The following XKR4 variants were observed in gnomAD, a reference collection of about 807,000 sequenced individuals.
The protein encoded by XKR4 is XK related 4.
XKR4 carries 12 observed loss-of-function variants against 53.9 expected under a neutral mutation model. The ratio of observed to expected loss-of-function variants is 0.22; its 90% CI spans 0.14 to 0.36. XKR4 has a LOEUF of 0.36. Ranked by LOEUF, XKR4 falls within the 10% of genes least tolerant of loss-of-function variation. The pLI is 1.00. For synonymous variants in XKR4, 354 were observed against 362.4 expected (o/e 0.98, Z 0.26); for missense variants, 799 against 859.5 (o/e 0.93, Z 0.88).
rs563046251 is a variant in XKR4 at position 55,166,743 on chromosome 8, C to T, written c.806+63449C>T. 1.1e-4 allele frequency among the ~76,000 whole-genome samples: 16 copies of T among 152,152 alleles called. 1 individual carries two copies. In the South Asian group the frequency reaches 2.1e-3, roughly 20 times the overall value. ...CAGGGGGATCTCAGACAGATAACAT[C>T]GCATGTTCAAGGGCAGCAAGAAGGT... On this transcript the variant is annotated intron_variant, in intron 1 of 2. Transcript: ENST00000327381.
At chr8:55,163,547 A>T (rs1406828405) in intron 1 of XKR4, among the ~76,000 whole-genome samples, 1 of 152,218 alleles carries the variant, frequency 6.6e-6, no homozygotes, top group African/African-American at 2.4e-5. Context: ...CATTATTTTA[A>T]ATAATTATAA....
intron 2 of XKR4, among the ~76,000 whole-genome samples, chr8:55,494,505 A>C (rs1320727788): frequency 6.6e-6 from 1 of 152,194 alleles, no homozygotes; most frequent in Admixed American, 6.5e-5. Flanking sequence ...TGAGGTATGC[A>C]GAGAAGTGGA....
chr8:55,379,132 A>T lies in XKR4; in HGVS notation c.1006+21255A>T, dbSNP rs1289932322. Among the ~76,000 whole-genome samples, 6 of 152,326 alleles carry T rather than the reference A, an allele frequency of 3.9e-5. No individual in the cohort carries two copies. In the South Asian group the frequency reaches 8.3e-4, roughly 21 times the overall value. On this transcript the variant is annotated intron_variant, in intron 2 of 2. Transcript: ENST00000327381. The stretch of plus-strand genomic sequence containing the variant: ...TATCATTAAGTCAGTGATAGGGCTT[A>T]CAGTCTGGGGGTCAGATATCCTGCT...
intron 1 of XKR4, among the ~76,000 whole-genome samples, chr8:55,189,344 A>G (rs574816839): frequency 6.6e-6 from 1 of 152,162 alleles, no homozygotes; most frequent in Non-Finnish European, 1.5e-5. Context: ...AGGCACAGCT[A>G]ATGTATGAGT....
chr8:55,282,069 G>A (rs1228138625), intron 1 of XKR4, among the ~76,000 whole-genome samples: 1 of 152,188 alleles, frequency 6.6e-6, no homozygotes, highest in Non-Finnish European at 1.5e-5. Context: ...ATGGGACAGA[G>A]AGATTCTGGT....
chr8:55,374,453 G>A (rs1804118623), intron 2 of XKR4, among the ~76,000 whole-genome samples: 2 of 152,218 alleles, frequency 1.3e-5, no homozygotes, highest in South Asian at 4.1e-4. Flanking sequence ...ACCTCAAGCT[G>A]AGTTGATAGT....
chr8:55,409,928 G>A (rs541775728), intron 2 of XKR4, among the ~76,000 whole-genome samples: 3 of 152,150 alleles, frequency 2.0e-5, no homozygotes, highest in African/African-American at 7.2e-5. Flanking sequence ...CAGCCTTTCT[G>A]CCTTTAATCT....
chr8:55,153,813 C>T (rs969793723), intron 1 of XKR4, among the ~76,000 whole-genome samples: 2 of 152,168 alleles, frequency 1.3e-5, no homozygotes, highest in African/African-American at 4.8e-5. Context: ...TATGCTCATG[C>T]TTTCTTGATA....
At chr8:55,365,749 G>A (rs1012666321) in intron 2 of XKR4, among the ~76,000 whole-genome samples, 4 of 151,920 alleles carry the variant, frequency 2.6e-5, no homozygotes, top group African/African-American at 9.7e-5. Context: ...CGAGGAATGG[G>A]CGGCACAGGT....
intron 2 of XKR4, chr8:55,454,741 G>A (rs570631084): frequency 1.9e-5 from 15 of 795,084 alleles, no homozygotes; most frequent in South Asian, 1.1e-4. Flanking sequence ...GAACACCTCC[G>A]CATGGTCAAG....
intron 1 of XKR4, among the ~76,000 whole-genome samples, chr8:55,141,403 C>A (rs991283668): frequency 2.0e-5 from 3 of 151,542 alleles, no homozygotes; most frequent in Middle Eastern, 6.8e-3. Context: ...GGTCGGATTT[C>A]TCCTCTGCCC....
chr8:55,475,925 T>A (rs1261992104), intron 2 of XKR4, among the ~76,000 whole-genome samples: 1 of 152,060 alleles, frequency 6.6e-6, no homozygotes, highest in Non-Finnish European at 1.5e-5. Flanking sequence ...TTTCTAATTT[T>A]CTGTAGACAC....
intron 1 of XKR4, among the ~76,000 whole-genome samples, chr8:55,238,135 T>C (rs549136251): frequency 5.9e-5 from 9 of 152,258 alleles, no homozygotes; most frequent in South Asian, 4.1e-4. Flanking sequence ...ATAGCATAAA[T>C]AGACATTTAT....
At chr8:55,514,073 T>C (rs939566504) in intron 2 of XKR4, among the ~76,000 whole-genome samples, 1 of 152,162 alleles carries the variant, frequency 6.6e-6, no homozygotes, top group African/African-American at 2.4e-5. Context: ...AATATATATC[T>C]GGGCCTCTAC....
In XKR4 at chr8:55,102,792, A is replaced by G; in HGVS notation, c.304A>G (p.Arg102Gly). The part of the protein sequence containing the change: ...GSAALCLRLG[R>G]EQRRYSLWDC... ...GGCTGCGCTGTGCCTGCGCCTGGGC[A>G]GGGAGCAGCGGCGCTACTCACTGTG... Residue 102 changes from arginine (R) to glycine (G), a missense_variant, in exon 1 of 3, where the codon AGG (arginine) becomes GGG (glycine). By Grantham distance (125) the Arg-to-Gly change is moderately radical. Transcript: ENST00000327381. This position sits in a 1 kb window ranked among gnomAD's most constrained non-coding sequence, Gnocchi z 5.1. The G allele has an allele frequency of 6.3e-7, 1 of 1,596,608 alleles. No individual in the cohort carries two copies.
intron 1 of XKR4, among the ~76,000 whole-genome samples, chr8:55,355,157 G>T (rs746891463): frequency 6.6e-6 from 1 of 151,938 alleles, no homozygotes; most frequent in Non-Finnish European, 1.5e-5. Flanking sequence ...GCCCACCTCA[G>T]CCTCCCAAAG....
intron 1 of XKR4, among the ~76,000 whole-genome samples, chr8:55,294,468 A>G (rs182117154): frequency 6.6e-6 from 1 of 152,272 alleles, no homozygotes; most frequent in East Asian, 1.9e-4. Flanking sequence ...TCCCTGGGCT[A>G]AAGGGATGTA....
At position 55,533,294 on chromosome 8, in the gene XKR4, T is replaced by C. The variant is rs1806982644; in HGVS notation, c.*9067T>C. ...GCCCCTTGTGATTTTTTTTATTCTATTCAAATTGGGAGCAATAACACACCT... is the reference window on the plus strand; with the variant it reads ...GCCCCTTGTGATTTTTTTTATTCTACTCAAATTGGGAGCAATAACACACCT... On this transcript the variant is annotated 3_prime_UTR_variant, in exon 3 of 3. Transcript: ENST00000327381. 6.6e-6 allele frequency: 1 copy of C among 152,108 alleles called. No individual in the cohort carries two copies. The highest frequency in any genetic ancestry group is 2.1e-4 in the South Asian group (1 of 4,826). The allele number at this position is 152,108 out of a possible 1,614,324, so 9.4% of individuals were successfully genotyped here. A position where few individuals can be genotyped will look rare whatever the true frequency, so the allele number is the denominator to read the frequency against.
chr8:55,387,852 A>G (rs999372076), intron 2 of XKR4, among the ~76,000 whole-genome samples: 1 of 152,162 alleles, frequency 6.6e-6, no homozygotes, highest in Admixed American at 6.5e-5. Context: ...ATGGAGCCCC[A>G]TCTCTGTTCC....
Sources: gnomAD v4.1 joint callset for allele counts (sites outside exome capture counted in the v4.1 genomes callset) on GRCh38, gnomAD v4.1.1 for gene constraint, Gnocchi (gnomAD v3.1) non-coding constraint, MANE v1.5 for transcripts, NCBI Gene and HGNC (gene_info 2026-07-23, HGNC 2026-07-21) for gene names.